Variants in P2RY12 observed in about 807,000 individuals in gnomAD.
The protein encoded by P2RY12 is purinergic receptor P2Y12, also known as P2Y purinoceptor 12.
P2RY12 carries 3 observed loss-of-function variants against 4.5 expected under a neutral mutation model. The observed-to-expected ratio is 0.67, with a 90% CI of 0.31 to 1.74. The LOEUF is 1.74. Ranked by LOEUF, P2RY12 falls within the 40% of genes most tolerant of loss-of-function variation. P2RY12 has a pLI of 0.09. For synonymous variants in P2RY12, 148 were observed against 154.1 expected (o/e 0.96, Z 0.29); for missense variants, 356 against 407.8 (o/e 0.87, Z 1.09).
At chr3:151,357,091 G>A in intron 1 of P2RY12, 1 of 889,110 alleles carries the variant, frequency 1.1e-6, no homozygotes, top group Non-Finnish European at 1.7e-6. Context: ...TTTTAAAAAA[G>A]TTAAATTTAG....
At position 151,338,506 on chromosome 3, in the gene P2RY12, A is replaced by G; in HGVS notation, c.340T>C (p.Phe114Leu). 1.2e-6 allele frequency: 2 copies of G among 1,613,958 alleles called. No individual in the cohort carries two copies. Among genetic ancestry groups the G allele is most frequent in the Non-Finnish European group, 1.7e-6 (2 of 1,179,966 alleles). ...CGATCGATAGTTATCAGTCCCAGGA[A>G]TGAAATACTGATATACATTGTGAAA... Reference protein sequence around the residue: ...FYFTMYISISFLGLITIDRYQ... With the variant: ...FYFTMYISISLLGLITIDRYQ... Residue 114 changes from phenylalanine to leucine, a missense_variant, in exon 3 of 3, where the codon TTC (phenylalanine) becomes CTC (leucine). Physicochemically the swap from Phe to Leu is conservative, Grantham distance 22. Coordinates refer to ENST00000302632, the MANE Select transcript of P2RY12 (RefSeq NM_022788.5).
Position 151,337,718 on chromosome 3 carries a change from A to T in P2RY12, c.*99T>A. 8.5e-7 allele frequency: 1 copy of T among 1,177,544 alleles called. No homozygotes were observed. The highest frequency in any genetic ancestry group is 1.2e-6 in the Non-Finnish European group (1 of 813,984). 72.9% of individuals were successfully genotyped at this position (1,177,544 alleles called of 1,614,324 possible). Reference sequence around the variant, plus strand: ...CTGTTTCTTTAGAGTCATTATTATTAACTTAGTTGCTTCTTCGTCAGTTAA... The same window carrying T: ...CTGTTTCTTTAGAGTCATTATTATTTACTTAGTTGCTTCTTCGTCAGTTAA... On this transcript the variant is annotated 3_prime_UTR_variant, in exon 3 of 3. Transcript: ENST00000302632.
intron 1 of P2RY12, chr3:151,367,811 T>G (rs753622597): frequency 3.3e-5 from 52 of 1,570,270 alleles, no homozygotes; most frequent in Non-Finnish European, 4.4e-5. Flanking sequence ...GATTGTTGTC[T>G]TGATGGAGTG....
At chr3:151,354,140 C>CAAAAAAAAAAAAA (rs63033360) in intron 1 of P2RY12, among the ~76,000 whole-genome samples, 2 of 62,846 alleles carry the variant, frequency 3.2e-5, no homozygotes, top group African/African-American at 7.5e-5. Context: ...GACTCCGTCT[C>CAAAAAAAAAAAAA]AAAAAAAAAA....
intron 1 of P2RY12, among the ~76,000 whole-genome samples, chr3:151,352,244 G>A (rs1753322438): frequency 6.6e-6 from 1 of 152,122 alleles, no homozygotes; most frequent in Non-Finnish European, 1.5e-5. Context: ...TTTTCTACTT[G>A]TGACATTATG....
At chr3:151,378,015 C>G in intron 1 of P2RY12, 1 of 1,595,132 alleles carries the variant, frequency 6.3e-7, no homozygotes, top group Non-Finnish European at 8.6e-7. Flanking sequence ...ATTTTAGTTC[C>G]TCCGAACGCA....
rs1300035766 is a variant in P2RY12 at position 151,336,847 on chromosome 3, A to AT, written c.*969dup. ...AACAAAGAATTTACAACAAAGAATG[A>AT]TTTAGAGTTTAATGTAAATTTTGTA... On this transcript the variant is annotated 3_prime_UTR_variant, in exon 3 of 3. Coordinates refer to ENST00000302632, the MANE Select transcript of P2RY12 (RefSeq NM_022788.5). 1 of 198,634 alleles carries AT rather than the reference A, an allele frequency of 5.0e-6. No individual in the cohort carries two copies. Among genetic ancestry groups the AT allele is most frequent in the East Asian group, 1.5e-4 (1 of 6,804 alleles). The allele number at this position is 198,634 out of a possible 1,614,324, so 12.3% of individuals were successfully genotyped here. A position where few individuals can be genotyped will look rare whatever the true frequency, so the allele number is the denominator to read the frequency against.
At chr3:151,353,985 CA>C (rs1366491094) in intron 1 of P2RY12, among the ~76,000 whole-genome samples, 1 of 139,232 alleles carries the variant, frequency 7.2e-6, no homozygotes, top group Admixed American at 7.2e-5. Flanking sequence ...ACTAAAAATA[CA>C]AAAAATTAGC....
chr3:151,379,392 CTTTG>C (rs768702537), intron 1 of P2RY12, among the ~76,000 whole-genome samples: 1 of 152,182 alleles, frequency 6.6e-6, no homozygotes, highest in Non-Finnish European at 1.5e-5. Flanking sequence ...CAACATGGCG[CTTTG>C]TTTGTCAATA....
chr3:151,369,399 T>C, intron 1 of P2RY12: 1 of 1,360,454 alleles, frequency 7.4e-7, no homozygotes, highest in Non-Finnish European at 1.0e-6. Context: ...TTACTAATGA[T>C]GGTAATGAGA....
chr3:151,365,322 T>A, intron 1 of P2RY12: 1 of 768,764 alleles, frequency 1.3e-6, no homozygotes, highest in East Asian at 2.6e-5. Context: ...CATTTGCTTT[T>A]TCTAAATCTT....
intron 1 of P2RY12, chr3:151,368,089 A>T: frequency 7.7e-7 from 1 of 1,304,036 alleles, no homozygotes; most frequent in Non-Finnish European, 1.1e-6. Context: ...TTAATAGGAA[A>T]CCTGAAGGAC....
intron 1 of P2RY12, among the ~76,000 whole-genome samples, chr3:151,347,863 A>G (rs893751995): frequency 1.3e-5 from 2 of 152,208 alleles, no homozygotes; most frequent in African/African-American, 4.8e-5. Context: ...AAGGTTTATT[A>G]TTCGAGATCA....
intron 1 of P2RY12, among the ~76,000 whole-genome samples, chr3:151,363,930 A>C (rs1172622931): frequency 4.6e-5 from 7 of 152,154 alleles, no homozygotes; most frequent in Non-Finnish European, 1.0e-4. Flanking sequence ...TAGAATAGAG[A>C]GTCTTTGTGA....
intron 1 of P2RY12, chr3:151,349,967 A>C: frequency 8.5e-7 from 1 of 1,182,632 alleles, no homozygotes; most frequent in Admixed American, 2.2e-5. Flanking sequence ...GCAAGCCAGC[A>C]TGGAGGTGCT....
rs1256226939 is a variant in P2RY12, at chr3:151,337,790, A to G, written c.*27T>C. On this transcript the variant is annotated 3_prime_UTR_variant, in exon 3 of 3. Coordinates refer to ENST00000302632, the MANE Select transcript of P2RY12 (RefSeq NM_022788.5). ...TTTAACGAGTTCTGAACACAAAGAG[A>G]TTGAAATATTTCCTTAGTTAATTTG... The G allele has an allele frequency of 1.9e-5, 31 of 1,608,314 alleles. No individual in the cohort carries two copies. The highest frequency in any genetic ancestry group is 2.5e-5 in the Non-Finnish European group (29 of 1,175,316).
intron 1 of P2RY12, among the ~76,000 whole-genome samples, chr3:151,352,012 G>T (rs186209430): frequency 6.6e-6 from 1 of 152,082 alleles, no homozygotes; most frequent in African/African-American, 2.4e-5. Flanking sequence ...GGACCAGAAG[G>T]GTTTTGGATT....
At chr3:151,372,785 CCTTTTA>C in intron 1 of P2RY12, 1 of 1,601,634 alleles carries the variant, frequency 6.2e-7, no homozygotes, top group Non-Finnish European at 8.6e-7. Context: ...ATTTAATTTG[CCTTTTA>C]CTTTGAGTAC....
intron 1 of P2RY12, chr3:151,355,319 C>T (rs1753773994): frequency 1.1e-6 from 1 of 870,368 alleles, no homozygotes; most frequent in Non-Finnish European, 1.9e-6. Context: ...TATATTTTCT[C>T]AACCTTAATG....
Sources: allele counts gnomAD v4.1 joint callset (sites outside exome capture counted in the v4.1 genomes callset), GRCh38; gene constraint gnomAD v4.1.1; transcripts MANE v1.5; gene names NCBI Gene and HGNC (gene_info 2026-07-23, HGNC 2026-07-21).